SFMBT2: variants seen among roughly 807,000 people sequenced by gnomAD.
The protein encoded by SFMBT2 is Scm like with four mbt domains 2.
In SFMBT2, 38 loss-of-function variants were observed where a neutral mutation model predicts 110.1. The observed-to-expected ratio is 0.35, with a 90% CI of 0.27 to 0.45. The LOEUF (loss-of-function observed/expected upper bound fraction) is 0.45, where lower values mean the gene tolerates loss of function less well. SFMBT2 is among the 20% of genes least tolerant of loss of function. The probability of loss-of-function intolerance (pLI) is 1.00; values close to 1 mark genes in which losing one functional copy is unlikely to be tolerated. For synonymous variants in SFMBT2, 425 were observed against 425.4 expected, an observed-to-expected ratio of 1.00 and a Z score of 0.01; for missense variants, 1,011 against 1,094.9, an observed-to-expected ratio of 0.92 and a Z score of 1.08.
intron 9 of SFMBT2, among the ~76,000 whole-genome samples, chr10:7,232,683 T>C (rs1458843120): frequency 6.6e-6 from 1 of 152,226 alleles, no homozygotes; most frequent in Non-Finnish European, 1.5e-5. Flanking sequence ...ACAATAATTG[T>C]TGGGTGGTGG....
At chr10:7,350,660 T>C (rs34171041) in intron 4 of SFMBT2, among the ~76,000 whole-genome samples, 2,054 of 152,330 alleles carry the variant, frequency 0.013, 15 homozygotes, top group Middle Eastern at 0.027. Context: ...ATAAAGACTG[T>C]TTTATACTTT....
chr10:7,330,884 G>A lies in SFMBT2; in HGVS notation c.436+36765C>T, dbSNP rs143148732. On this transcript the variant is annotated intron_variant, in intron 4 of 20. Transcript: ENST00000397167. ...TCTGACTTCTGATGCTTTTTCCCCT[G>A]TCTAATCCATCCCATGGTAGCGTCC... Among the ~76,000 whole-genome samples the A allele has an allele frequency of 6.6e-5, 10 of 152,288 alleles. No homozygotes were observed. The East Asian group carries it at 1.9e-3, about 29-fold the overall frequency.
intron 1 of SFMBT2, among the ~76,000 whole-genome samples, chr10:7,395,066 C>A (rs972231523): frequency 6.6e-6 from 1 of 152,172 alleles, no homozygotes; most frequent in East Asian, 1.9e-4. Context: ...TGTCTGTAAT[C>A]CCAGCACTCT....
chr10:7,300,570 G>T (rs955506945), intron 4 of SFMBT2, among the ~76,000 whole-genome samples: 4 of 149,450 alleles, frequency 2.7e-5, no homozygotes, highest in Non-Finnish European at 3.0e-5. Context: ...CACCCAGCCC[G>T]GGAATTTCCC....
chr10:7,319,640 CAAAGAGAGAGACAGAG>C (rs1843111568), intron 4 of SFMBT2, among the ~76,000 whole-genome samples: 1 of 151,308 alleles, frequency 6.6e-6, no homozygotes, highest in Non-Finnish European at 1.5e-5. Flanking sequence ...TAGGTGCTAC[CAAAGAGAGAGACAGAG>C]AGAGAGAGAG....
At chr10:7,221,817 G>C (rs1049127466) in intron 10 of SFMBT2, among the ~76,000 whole-genome samples, 1 of 151,962 alleles carries the variant, frequency 6.6e-6, no homozygotes, top group Non-Finnish European at 1.5e-5. Context: ...GTTCTCCGAG[G>C]GTAGGGCTGT....
At chr10:7,213,095 G>A (rs1176889904) in intron 11 of SFMBT2, among the ~76,000 whole-genome samples, 1 of 152,078 alleles carries the variant, frequency 6.6e-6, no homozygotes, top group Non-Finnish European at 1.5e-5. Flanking sequence ...TGGGGGTAAG[G>A]GGAGGGAGAG....
chr10:7,209,889 C>A (rs1182171441), intron 11 of SFMBT2, among the ~76,000 whole-genome samples: 1 of 152,144 alleles, frequency 6.6e-6, no homozygotes, highest in African/African-American at 2.4e-5. Context: ...TGTAACAATA[C>A]AACCATAGAC....
chr10:7,275,972 T>C (rs1031500727), intron 7 of SFMBT2, among the ~76,000 whole-genome samples: 2 of 152,212 alleles, frequency 1.3e-5, no homozygotes, highest in African/African-American at 2.4e-5. Context: ...ACAACCACAT[T>C]GAGAACTGTC....
At chr10:7,308,592 G>A (rs1842760766) in intron 4 of SFMBT2, among the ~76,000 whole-genome samples, 1 of 152,144 alleles carries the variant, frequency 6.6e-6, no homozygotes, top group Admixed American at 6.5e-5. Context: ...AAAAGCACAT[G>A]ACCCAAGGTC....
At chr10:7,210,988 A>AGG in intron 11 of SFMBT2, among the ~76,000 whole-genome samples, 1 of 152,236 alleles carries the variant, frequency 6.6e-6, no homozygotes, top group East Asian at 1.9e-4. Context: ...ACTCCATTCC[A>AGG]AGCGTTCAAT....
chr10:7,192,314 A>C (rs1217456389), intron 15 of SFMBT2, among the ~76,000 whole-genome samples: 10 of 152,182 alleles, frequency 6.6e-5, no homozygotes. Context: ...CACATGGAAA[A>C]GTCCTCAATA....
chr10:7,283,500 G>A (rs531389209), intron 6 of SFMBT2, among the ~76,000 whole-genome samples: 1 of 152,318 alleles, frequency 6.6e-6, no homozygotes, highest in South Asian at 2.1e-4. Flanking sequence ...ATGGGTGGAT[G>A]AGTAGGTGGA....
intron 4 of SFMBT2, among the ~76,000 whole-genome samples, chr10:7,298,623 G>A (rs181016282): frequency 9.2e-5 from 14 of 152,284 alleles, no homozygotes; most frequent in Admixed American, 2.6e-4. Context: ...CTGTATGTGC[G>A]TCTATGTGCA....
intron 4 of SFMBT2, among the ~76,000 whole-genome samples, chr10:7,343,236 G>A (rs1843987038): frequency 6.6e-6 from 1 of 151,252 alleles, no homozygotes; most frequent in African/African-American, 2.4e-5. Context: ...TTTTTTTAAT[G>A]GCTGCGTAGT....
chr10:7,381,431 C>T (rs755637063), intron 2 of SFMBT2, among the ~76,000 whole-genome samples: 2 of 152,112 alleles, frequency 1.3e-5, no homozygotes, highest in Admixed American at 6.6e-5. Flanking sequence ...TTGTCTCTTG[C>T]GAGCCAGAGC....
At chr10:7,281,423 G>A (rs1415622855) in intron 6 of SFMBT2, among the ~76,000 whole-genome samples, 1 of 152,136 alleles carries the variant, frequency 6.6e-6, no homozygotes, top group Non-Finnish European at 1.5e-5. Flanking sequence ...GGTCATGGAA[G>A]CAGAACACTT....
intron 11 of SFMBT2, chr10:7,207,690 A>C: frequency 2.4e-6 from 2 of 819,206 alleles, no homozygotes; most frequent in Non-Finnish European, 2.9e-6. Context: ...CAACAACCAA[A>C]CACAAAATGG....
intron 14 of SFMBT2, among the ~76,000 whole-genome samples, chr10:7,198,668 A>T (rs1838853704): frequency 6.6e-6 from 1 of 152,220 alleles, no homozygotes; most frequent in Non-Finnish European, 1.5e-5. Context: ...TCAACTCAGA[A>T]AGGGAATAGT....
Sources: allele counts gnomAD v4.1 joint callset (sites outside exome capture counted in the v4.1 genomes callset), GRCh38; gene constraint gnomAD v4.1.1; transcripts MANE v1.5; gene names NCBI Gene and HGNC (gene_info 2026-07-23, HGNC 2026-07-21).